C12orf42: variants seen among roughly 807,000 people sequenced by gnomAD.
C12orf42 encodes uncharacterized protein C12orf42.
Under a neutral mutation model 21.6 loss-of-function variants are expected in C12orf42, and 25 were observed. The ratio of observed to expected loss-of-function variants is 1.16; its 90% CI spans 0.84 to 1.62. C12orf42 has a LOEUF of 1.62. C12orf42 is among the 40% of genes most tolerant of loss of function. C12orf42 has a pLI of 0.00. For synonymous variants in C12orf42, 174 were observed against 175.0 expected (o/e 0.99, Z 0.05); for missense variants, 483 against 459.3 (o/e 1.05, Z -0.47).
the C12orf42 span, among the ~76,000 whole-genome samples, chr12:103,186,908 T>C: frequency 2.0e-5 from 3 of 152,186 alleles, no homozygotes; most frequent in Admixed American, 1.3e-4. Context: ...TTTTCTGCCC[T>C]TTCCACCTTA....
At chr12:103,546,153 T>C in the C12orf42 span, among the ~76,000 whole-genome samples, 1 of 152,134 alleles carries the variant, frequency 6.6e-6, no homozygotes, top group African/African-American at 2.4e-5. Flanking sequence ...CACTGAAGAA[T>C]AGGTAGGAGT....
At chr12:103,274,263 T>G (rs2035634417) in intron 5 of C12orf42, among the ~76,000 whole-genome samples, 1 of 152,178 alleles carries the variant, frequency 6.6e-6, no homozygotes, top group Admixed American at 6.5e-5. Flanking sequence ...AGTTTATCTG[T>G]GATGCCTGTG....
chr12:103,457,764 G>A (rs2137602847), intron 2 of C12orf42, among the ~76,000 whole-genome samples: 1 of 152,252 alleles, frequency 6.6e-6, no homozygotes, highest in African/African-American at 2.4e-5. Context: ...ACGTTTATAT[G>A]CTCTGCCCTC....
At chr12:103,545,497 G>A in the C12orf42 span, among the ~76,000 whole-genome samples, 1 of 152,168 alleles carries the variant, frequency 6.6e-6, no homozygotes, top group Non-Finnish European at 1.5e-5. Flanking sequence ...AAGATAGATG[G>A]TGGGAGAAAA....
At chr12:103,351,085 C>A (rs868610520) in intron 4 of C12orf42, among the ~76,000 whole-genome samples, 7 of 152,000 alleles carry the variant, frequency 4.6e-5, no homozygotes, top group Non-Finnish European at 8.8e-5. Flanking sequence ...CTGCTCCTTC[C>A]CCTAGAAAAT....
At chr12:103,553,589 CA>C in the C12orf42 span, among the ~76,000 whole-genome samples, 1 of 152,060 alleles carries the variant, frequency 6.6e-6, no homozygotes, top group African/African-American at 2.4e-5. Context: ...TTTATAAGAC[CA>C]TAGTATTTTA....
intron 2 of C12orf42, among the ~76,000 whole-genome samples, chr12:103,464,097 A>G (rs1952931363): frequency 1.3e-5 from 2 of 152,116 alleles, no homozygotes; most frequent in Non-Finnish European, 2.9e-5. Context: ...ACCAGTAATG[A>G]GATTGCTGGG....
chr12:103,138,414 C>T, the C12orf42 span, among the ~76,000 whole-genome samples: 2 of 152,176 alleles, frequency 1.3e-5, no homozygotes, highest in Non-Finnish European at 1.5e-5. Flanking sequence ...TGCTCGCTCG[C>T]TCTCTCCTGC....
chr12:103,182,329 G>C, the C12orf42 span, among the ~76,000 whole-genome samples: 1 of 152,138 alleles, frequency 6.6e-6, no homozygotes, highest in African/African-American at 2.4e-5. Context: ...ATGTTATCTG[G>C]AAGTTACCAG....
chr12:103,214,286 G>A, the C12orf42 span, among the ~76,000 whole-genome samples: 3 of 152,280 alleles, frequency 2.0e-5, no homozygotes, highest in Non-Finnish European at 4.4e-5. Context: ...GTACAAGTCT[G>A]TAGTTTCTCC....
At chr12:103,353,962 A>G (rs949283837) in intron 4 of C12orf42, among the ~76,000 whole-genome samples, 1 of 152,156 alleles carries the variant, frequency 6.6e-6, no homozygotes, top group Admixed American at 6.6e-5. Flanking sequence ...AGAGAGAGAG[A>G]GTTACCCAGC....
At chr12:103,506,355 C>G in the C12orf42 span, among the ~76,000 whole-genome samples, 1 of 143,010 alleles carries the variant, frequency 7.0e-6, no homozygotes, top group African/African-American at 2.6e-5. Flanking sequence ...AGTGCAGTCA[C>G]TGCGGAGCTA....
chr12:103,507,204 TTA>T, the C12orf42 span, among the ~76,000 whole-genome samples: 265 of 35,406 alleles, frequency 7.5e-3, 35 homozygotes, highest in African/African-American at 0.021. Context: ...TATATTTATA[TTA>T]TATATATAAT....
chr12:103,117,724 A>C, the C12orf42 span, among the ~76,000 whole-genome samples: 5,538 of 152,306 alleles, frequency 0.036, 315 homozygotes, highest in African/African-American at 0.13. Flanking sequence ...TGCTTTCCAT[A>C]GTGGTGGAGG....
chr12:103,476,045 G>C (rs1484887033), intron 2 of C12orf42, among the ~76,000 whole-genome samples: 2 of 152,170 alleles, frequency 1.3e-5, no homozygotes, highest in Non-Finnish European at 2.9e-5. Flanking sequence ...CACCTTTTTA[G>C]AAATACAGAG....
the C12orf42 span, among the ~76,000 whole-genome samples, chr12:103,522,562 G>A: frequency 2.0e-5 from 3 of 152,140 alleles, no homozygotes; most frequent in Admixed American, 2.0e-4. Context: ...GGAAATGGGA[G>A]ATAACATTCC....
chr12:103,223,064 T>C, the C12orf42 span, among the ~76,000 whole-genome samples: 1 of 152,102 alleles, frequency 6.6e-6, no homozygotes, highest in African/African-American at 2.4e-5. Context: ...ATACATAGTG[T>C]ATAAAAATAA....
At chr12:103,315,002 A>G (rs1487059405) in intron 4 of C12orf42, among the ~76,000 whole-genome samples, 2 of 152,218 alleles carry the variant, frequency 1.3e-5, no homozygotes, top group Non-Finnish European at 2.9e-5. Flanking sequence ...AGGGAATCTC[A>G]AAGTCCAGAG....
chr12:103,491,564 T>A (rs1955188526), intron 1 of C12orf42, among the ~76,000 whole-genome samples: 1 of 152,248 alleles, frequency 6.6e-6, no homozygotes, highest in Non-Finnish European at 1.5e-5. Flanking sequence ...GTTATCTGGC[T>A]TCTCCTTTTG....
Sources: gnomAD v4.1 joint callset for allele counts (sites outside exome capture counted in the v4.1 genomes callset) on GRCh38, gnomAD v4.1.1 for gene constraint, MANE v1.5 for transcripts, NCBI Gene and HGNC (gene_info 2026-07-23, HGNC 2026-07-21) for gene names.